The following RNGTT variants were observed in gnomAD, a reference collection of about 807,000 sequenced individuals.
RNGTT encodes the protein mRNA-capping enzyme.
A neutral mutation model predicts 79.3 loss-of-function variants in RNGTT; 33 were observed. That is an observed-to-expected ratio of 0.42 (90% confidence interval 0.32 to 0.56). The LOEUF is 0.56. Among genes scored for constraint, RNGTT ranks in the 20% least tolerant of loss-of-function variants. The pLI is 0.17. For synonymous variants in RNGTT, 222 were observed against 235.9 expected, an observed-to-expected ratio of 0.94 and a Z score of 0.54; for missense variants, 497 against 739.1, an observed-to-expected ratio of 0.67 and a Z score of 3.80.
intron 4 of RNGTT, among the ~76,000 whole-genome samples, chr6:88,922,990 C>A (rs934378358): frequency 1.3e-5 from 2 of 152,196 alleles, no homozygotes; most frequent in Non-Finnish European, 1.5e-5. Context: ...TTAGCTTGTT[C>A]TCTTATCTCC....
At chr6:88,886,930 G>C (rs996146616) in intron 8 of RNGTT, among the ~76,000 whole-genome samples, 3 of 151,480 alleles carry the variant, frequency 2.0e-5, no homozygotes, top group Admixed American at 2.0e-4. Context: ...ACCACTCCAG[G>C]CAGGGTTCAA....
At chr6:88,766,314 C>T (rs1335008581) in intron 13 of RNGTT, among the ~76,000 whole-genome samples, 1 of 152,104 alleles carries the variant, frequency 6.6e-6, no homozygotes, top group Non-Finnish European at 1.5e-5. Flanking sequence ...ATATCACTGA[C>T]ATTGTACTCA....
At chr6:88,832,177 T>G (rs1022959224) in intron 11 of RNGTT, among the ~76,000 whole-genome samples, 2 of 152,178 alleles carry the variant, frequency 1.3e-5, no homozygotes, top group African/African-American at 4.8e-5. Context: ...TCATGCTACC[T>G]GACCTCAAAA....
intron 6 of RNGTT, among the ~76,000 whole-genome samples, chr6:88,894,612 A>G (rs1216053187): frequency 6.6e-6 from 1 of 152,232 alleles, no homozygotes; most frequent in African/African-American, 2.4e-5. Context: ...AGACCAGTAC[A>G]GCAGTACTAG....
At chr6:88,774,531 T>C (rs1182120780) in intron 12 of RNGTT, among the ~76,000 whole-genome samples, 6 of 152,308 alleles carry the variant, frequency 3.9e-5, no homozygotes, top group East Asian at 1.9e-4. Context: ...TCAATGTTCA[T>C]TGAAGCATTC....
intron 6 of RNGTT, among the ~76,000 whole-genome samples, chr6:88,893,212 T>C (rs1783112238): frequency 6.6e-6 from 1 of 152,080 alleles, no homozygotes; most frequent in Admixed American, 6.5e-5. Flanking sequence ...AATTTCAATA[T>C]CCTTAAAAAA....
At chr6:88,871,508 C>A (rs188348290) in intron 8 of RNGTT, among the ~76,000 whole-genome samples, 1 of 152,044 alleles carries the variant, frequency 6.6e-6, no homozygotes, top group Non-Finnish European at 1.5e-5. Context: ...TAGAATATGG[C>A]AGAAGTGGAT....
At chr6:88,710,404 T>C (rs1776278523) in intron 13 of RNGTT, among the ~76,000 whole-genome samples, 1 of 152,230 alleles carries the variant, frequency 6.6e-6, no homozygotes, top group African/African-American at 2.4e-5. Context: ...TCATGACTAA[T>C]GGACTTATTA....
chr6:88,848,648 G>A (rs1434359388), intron 10 of RNGTT, among the ~76,000 whole-genome samples: 3 of 140,572 alleles, frequency 2.1e-5, no homozygotes, highest in Non-Finnish European at 4.4e-5. Context: ...CCTTGCAAAA[G>A]AATATCATAT....
At chr6:88,831,892 T>C (rs183543649) in intron 11 of RNGTT, among the ~76,000 whole-genome samples, 1 of 152,036 alleles carries the variant, frequency 6.6e-6, no homozygotes, top group Non-Finnish European at 1.5e-5. Context: ...GGGATGTGAA[T>C]GACCTCTTCA....
intron 11 of RNGTT, among the ~76,000 whole-genome samples, chr6:88,831,971 T>C (rs540785471): frequency 2.0e-5 from 3 of 152,326 alleles, no homozygotes; most frequent in Admixed American, 6.5e-5. Flanking sequence ...TATTCCATGC[T>C]CACAGATAGG....
At chr6:88,686,326 T>G (rs753560547) in intron 13 of RNGTT, among the ~76,000 whole-genome samples, 1 of 151,968 alleles carries the variant, frequency 6.6e-6, no homozygotes, top group Non-Finnish European at 1.5e-5. Flanking sequence ...GGTAGGAAAT[T>G]ACAACACTGT....
intron 1 of RNGTT, among the ~76,000 whole-genome samples, chr6:88,949,067 T>C (rs1785135659): frequency 8.5e-6 from 1 of 117,662 alleles, no homozygotes; most frequent in Non-Finnish European, 1.7e-5. Flanking sequence ...CCCATGACCC[T>C]GCCAAATCCC....
chr6:88,851,727 T>TA (rs1425606741), intron 9 of RNGTT, among the ~76,000 whole-genome samples: 6 of 151,928 alleles, frequency 3.9e-5, no homozygotes, highest in African/African-American at 1.4e-4. Context: ...TTTGGAATTT[T>TA]ACAAAAACAA....
At chr6:88,705,875 A>C (rs1776114013) in intron 13 of RNGTT, among the ~76,000 whole-genome samples, 1 of 152,130 alleles carries the variant, frequency 6.6e-6, no homozygotes, top group Non-Finnish European at 1.5e-5. Context: ...AGCAGGTGAT[A>C]CTCAAAATGG....
In RNGTT at chr6:88,636,786, T is replaced by C. The variant is rs185637914; in HGVS notation, c.1507-22391A>G. ...CTGAGTTCCTTTCAACATACCACAC[T>C]GCTTCCCTTTTGCTTCTTCACAGAT... is the stretch of plus-strand genomic sequence containing the variant. On this transcript the variant is annotated intron_variant, in intron 14 of 15. Coordinates refer to ENST00000369485, the MANE Select transcript of RNGTT (RefSeq NM_003800.5). Among the ~76,000 whole-genome samples, 219 of 151,858 alleles carry C rather than the reference T, an allele frequency of 1.4e-3. 2 individuals are homozygous for C. Among genetic ancestry groups the C allele is most frequent in the Middle Eastern group, 3.4e-3 (1 of 294 alleles).
At chr6:88,827,767 A>G (rs931644856) in intron 11 of RNGTT, among the ~76,000 whole-genome samples, 2 of 152,134 alleles carry the variant, frequency 1.3e-5, no homozygotes, top group African/African-American at 2.4e-5. Context: ...GTGTAAACAA[A>G]GCCTCCAGGA....
At chr6:88,713,862 T>C (rs1333397403) in intron 13 of RNGTT, among the ~76,000 whole-genome samples, 1 of 152,240 alleles carries the variant, frequency 6.6e-6, no homozygotes, top group African/African-American at 2.4e-5. Flanking sequence ...AGACCATGTC[T>C]ATAACAAAAT....
intron 14 of RNGTT, among the ~76,000 whole-genome samples, chr6:88,669,095 C>T (rs929421526): frequency 1.3e-5 from 2 of 152,114 alleles, no homozygotes; most frequent in Admixed American, 6.5e-5. Flanking sequence ...CACTGGAAGA[C>T]AGGAGAAAAT....
Sources: gnomAD v4.1 joint callset for allele counts (sites outside exome capture counted in the v4.1 genomes callset) on GRCh38, gnomAD v4.1.1 for gene constraint, MANE v1.5 for transcripts, NCBI Gene and HGNC (gene_info 2026-07-23, HGNC 2026-07-21) for gene names.